The following KLHL14 variants were observed in gnomAD, a reference collection of about 807,000 sequenced individuals.
The protein encoded by KLHL14 is kelch like family member 14, also known as kelch-like protein 14.
In KLHL14, 22 loss-of-function variants were observed where a neutral mutation model predicts 64.3. That is an observed-to-expected ratio of 0.34 (90% CI 0.24 to 0.49). The LOEUF (loss-of-function observed/expected upper bound fraction) is 0.49. Among genes scored for constraint, KLHL14 ranks in the 20% least tolerant of loss-of-function variants. KLHL14 has a pLI of 0.99. For synonymous variants in KLHL14, 322 were observed against 333.4 expected, an observed-to-expected ratio of 0.97 and a Z score of 0.37; for missense variants, 661 against 789.0, an observed-to-expected ratio of 0.84 and a Z score of 1.94.
chr18:32,757,149 C>T (rs2050286261), intron 2 of KLHL14, among the ~76,000 whole-genome samples: 2 of 152,182 alleles, frequency 1.3e-5, no homozygotes, highest in Non-Finnish European at 1.5e-5. Context: ...TACCCAGCAG[C>T]ATAAACATTA....
rs187378728 is a variant in KLHL14, at chr18:32,770,441, G to A, written c.151C>T (p.Leu51=). ...CGGAAGTACTGCGAGCAGGAGGCCA[G>A]CACGGCCTTGTGGCAATGGAACTGC... ...GQQFHCHKAV[L]ASCSQYFRSL... is the part of the protein sequence containing the mutation. Residue 51 remains leucine (L), a synonymous_variant, in exon 2 of 9, where the codon CTG becomes TTG. Transcript: ENST00000359358. This position sits in a 1 kb window ranked among gnomAD's most constrained non-coding sequence, Gnocchi z 6.7. 2,968 of 1,611,930 alleles carry A rather than the reference G, an allele frequency of 1.8e-3. 37 individuals carry two copies. In the East Asian group the frequency reaches 0.032, roughly 18 times the overall value.
chr18:32,721,404 G>A (rs1438857172), intron 3 of KLHL14, among the ~76,000 whole-genome samples: 1 of 151,838 alleles, frequency 6.6e-6, no homozygotes. Flanking sequence ...TAAGACATAA[G>A]CTCTTCCTAA....
chr18:32,712,371 C>T (rs1346315546), intron 3 of KLHL14, among the ~76,000 whole-genome samples: 2 of 152,190 alleles, frequency 1.3e-5, no homozygotes, highest in Non-Finnish European at 2.9e-5. Context: ...GCTTCCCTGC[C>T]TCATACCTAC....
At chr18:32,700,186 A>G (rs1404760890) in intron 3 of KLHL14, among the ~76,000 whole-genome samples, 1 of 152,118 alleles carries the variant, frequency 6.6e-6, no homozygotes, top group African/African-American at 2.4e-5. Context: ...CAAACAAGAG[A>G]TTGCAAAGGG....
intron 3 of KLHL14, among the ~76,000 whole-genome samples, chr18:32,737,104 A>T (rs1409139445): frequency 6.6e-6 from 1 of 152,050 alleles, no homozygotes; most frequent in Non-Finnish European, 1.5e-5. Flanking sequence ...AAAGTACCTC[A>T]TTGTTTTCTG....
chr18:32,690,645 C>T (rs2049902777), intron 4 of KLHL14, among the ~76,000 whole-genome samples: 1 of 152,178 alleles, frequency 6.6e-6, no homozygotes, highest in Non-Finnish European at 1.5e-5. Flanking sequence ...AGGAGAATCA[C>T]TTGAACCCAG....
chr18:32,699,581 A>G lies in KLHL14; in HGVS notation c.1070-4029T>C, dbSNP rs540249112. 8.5e-5 allele frequency among the ~76,000 whole-genome samples: 13 copies of G among 152,198 alleles called. No individual in the cohort carries two copies. The East Asian group carries it at 2.5e-3, about 29-fold the overall frequency. On this transcript the variant is annotated intron_variant, in intron 3 of 8. Coordinates refer to ENST00000359358, the MANE Select transcript of KLHL14 (RefSeq NM_020805.3). ...CGAACGGCAGAGATAGAATCCAAAC[A>G]TGGGGATATCTGGACCCCAACTCAC...
chr18:32,730,816 T>A (rs2050133544), intron 3 of KLHL14, among the ~76,000 whole-genome samples: 1 of 152,212 alleles, frequency 6.6e-6, no homozygotes. Flanking sequence ...TCTAGCTAAA[T>A]AACTAGAATT....
chr18:32,752,216 G>T (rs151272169), intron 2 of KLHL14, among the ~76,000 whole-genome samples: 7 of 152,168 alleles, frequency 4.6e-5, no homozygotes. Flanking sequence ...GGATCAGTGG[G>T]ATTACAAAAT....
rs572863992 is a variant in KLHL14 at position 32,709,584 on chromosome 18, G to A, written c.1070-14032C>T. Among the ~76,000 whole-genome samples, 150 of 152,132 alleles carry A rather than the reference G, an allele frequency of 9.9e-4. 1 individual carries two copies. The highest frequency in any genetic ancestry group is 3.5e-3 in the African/African-American group (144 of 41,504). On this transcript the variant is annotated intron_variant, in intron 3 of 8. Coordinates refer to ENST00000359358, the MANE Select transcript of KLHL14 (RefSeq NM_020805.3). ...CCCCTCAGCCTTCCCAAGTTGCTAG[G>A]ACTATAGGTGTGTGCCATCATATCT...
intron 2 of KLHL14, among the ~76,000 whole-genome samples, chr18:32,763,763 C>G (rs761457825): frequency 2.9e-4 from 44 of 152,180 alleles, no homozygotes; most frequent in Non-Finnish European, 5.3e-4. Flanking sequence ...ACTGCACCAA[C>G]CTTAAGTGTC....
At chr18:32,753,270 G>A (rs1168746621) in intron 2 of KLHL14, among the ~76,000 whole-genome samples, 1 of 152,122 alleles carries the variant, frequency 6.6e-6, no homozygotes, top group Non-Finnish European at 1.5e-5. Context: ...AATATCTGAA[G>A]CTCTGAAAAC....
At chr18:32,761,393 C>CTTTTTTTTTTTTTT (rs10676001) in intron 2 of KLHL14, among the ~76,000 whole-genome samples, 1 of 127,088 alleles carries the variant, frequency 7.9e-6, no homozygotes, top group Non-Finnish European at 1.6e-5. Flanking sequence ...GCCACACATC[C>CTTTTTTTTTTTTTT]TTTTTTTTTT....
chr18:32,677,376 G>C (rs369385980), intron 7 of KLHL14, 46 bp from the exon 8 acceptor site: 1 of 1,537,472 alleles, frequency 6.5e-7, no homozygotes, highest in African/African-American at 1.4e-5. Context: ...AAATGCTCAG[G>C]GTCCCAATTT....
chr18:32,765,815 G>A (rs989167501), intron 2 of KLHL14, among the ~76,000 whole-genome samples: 2 of 152,036 alleles, frequency 1.3e-5, no homozygotes, highest in African/African-American at 4.8e-5. Flanking sequence ...TACCCTTGAT[G>A]TTTAAATAGA....
chr18:32,711,357 G>A (rs1487974215), intron 3 of KLHL14, among the ~76,000 whole-genome samples: 2 of 152,054 alleles, frequency 1.3e-5, no homozygotes, highest in Non-Finnish European at 2.9e-5. Context: ...AGGAAGAAAA[G>A]GAGTAATTTT....
chr18:32,752,110 G>C (rs1006497220), intron 2 of KLHL14, among the ~76,000 whole-genome samples: 1 of 152,136 alleles, frequency 6.6e-6, no homozygotes, highest in African/African-American at 2.4e-5. Context: ...CTGGGCAACA[G>C]AGTGAGACTC....
In KLHL14 at chr18:32,765,197, G is replaced by A. The variant is rs532668146; in HGVS notation, c.947+4448C>T. Among the ~76,000 whole-genome samples, 8 of 152,274 alleles carry A rather than the reference G, an allele frequency of 5.3e-5. No individual in the cohort carries two copies. The South Asian group carries it at 8.3e-4, about 16-fold the overall frequency. On this transcript the variant is annotated intron_variant, in intron 2 of 8. Coordinates refer to ENST00000359358, the MANE Select transcript of KLHL14 (RefSeq NM_020805.3). Reference sequence around the variant, plus strand: ...CAATTAAGTAATGTATGTGAAGTGCGTCAACATCACCTGTTACGCAGTAGC... The same window carrying A: ...CAATTAAGTAATGTATGTGAAGTGCATCAACATCACCTGTTACGCAGTAGC...
chr18:32,741,883 T>A (rs765255664), intron 3 of KLHL14, 45 bp downstream of exon 3: 3 of 1,506,090 alleles, frequency 2.0e-6, no homozygotes, highest in Admixed American at 5.3e-5. Flanking sequence ...AGCGCTAACC[T>A]GAAATAAATA....
Sources: gnomAD v4.1 joint callset for allele counts (sites outside exome capture counted in the v4.1 genomes callset) on GRCh38, gnomAD v4.1.1 for gene constraint, Gnocchi (gnomAD v3.1) non-coding constraint, MANE v1.5 for transcripts, NCBI Gene and HGNC (gene_info 2026-07-23, HGNC 2026-07-21) for gene names.